Variants in VPS54 observed in about 807,000 individuals in gnomAD.
The protein encoded by VPS54 is vacuolar protein sorting-associated protein 54.
In VPS54, 45 loss-of-function variants were observed where a neutral mutation model predicts 121.5. That is an observed-to-expected ratio of 0.37 (90% CI 0.29 to 0.47). The LOEUF (loss-of-function observed/expected upper bound fraction) is 0.47. VPS54 is among the 20% of genes least tolerant of loss of function. The pLI is 0.99. For missense variants in VPS54, 1,090 were observed against 1,131.4 expected (o/e 0.96, Z 0.52); for synonymous variants, 371 against 385.8 (o/e 0.96, Z 0.45).
chr2:64,008,131 G>A (rs1025314578), intron 1 of VPS54, among the ~76,000 whole-genome samples: 21 of 152,132 alleles, frequency 1.4e-4, no homozygotes, highest in African/African-American at 5.1e-4. Context: ...AGGAACAAGA[G>A]GCCGGGCGCA....
chr2:63,983,739 G>A, intron 2 of VPS54, 125 bp downstream of exon 2: 1 of 1,281,934 alleles, frequency 7.8e-7, no homozygotes, highest in Non-Finnish European at 1.0e-6. Context: ...ACCGTGCCCG[G>A]CCCCCCCAAA....
chr2:63,939,694 A>C (rs1291101837), intron 11 of VPS54, among the ~76,000 whole-genome samples: 1 of 152,316 alleles, frequency 6.6e-6, no homozygotes, highest in African/African-American at 2.4e-5. Context: ...TTGTTCTAGG[A>C]AGATAAAAGG....
chr2:63,951,087 A>T, intron 7 of VPS54, among the ~76,000 whole-genome samples: 1 of 152,174 alleles, frequency 6.6e-6, no homozygotes, highest in East Asian at 1.9e-4. Context: ...TGCCTTTCTC[A>T]TAGTAAGCCT....
chr2:63,965,771 C>T, intron 6 of VPS54, 64 bp downstream of exon 6: 1 of 1,568,078 alleles, frequency 6.4e-7, no homozygotes, highest in Admixed American at 2.1e-5. Flanking sequence ...AAATCTGAAC[C>T]CAAGCAAACA....
chr2:64,016,383 C>T (rs550173513), intron 1 of VPS54, among the ~76,000 whole-genome samples: 11 of 152,138 alleles, frequency 7.2e-5, no homozygotes, highest in Middle Eastern at 6.8e-3. Context: ...AAAGGAAAAG[C>T]TTTTCAAGAA....
intron 11 of VPS54, 122 bp from the exon 12 acceptor site, chr2:63,934,135 A>G (rs1674346097): frequency 3.7e-6 from 3 of 815,364 alleles, no homozygotes; most frequent in Admixed American, 2.9e-5. Flanking sequence ...AAAGTCATGT[A>G]TATCAGAATT....
intron 1 of VPS54, among the ~76,000 whole-genome samples, chr2:64,000,776 GCAACA>G (rs200193236): frequency 0.012 from 1,869 of 152,322 alleles, 17 homozygotes; most frequent in Non-Finnish European, 0.015. Flanking sequence ...TTGCAGCAGG[GCAACA>G]CAAGCACCCT....
At chr2:63,978,581 T>A (rs546940701) in intron 3 of VPS54, among the ~76,000 whole-genome samples, 1 of 152,318 alleles carries the variant, frequency 6.6e-6, no homozygotes, top group Admixed American at 6.5e-5. Context: ...TAACTATACA[T>A]CAGTGTAATA....
intron 3 of VPS54, among the ~76,000 whole-genome samples, chr2:63,979,105 TTC>T (rs1676682102): frequency 6.6e-6 from 1 of 151,710 alleles, no homozygotes; most frequent in Non-Finnish European, 1.5e-5. Context: ...GACTTTTATC[TTC>T]TCTTTTTTTC....
At chr2:63,957,776 A>G (rs1323281816) in intron 7 of VPS54, among the ~76,000 whole-genome samples, 2 of 152,170 alleles carry the variant, frequency 1.3e-5, no homozygotes, top group Non-Finnish European at 2.9e-5. Context: ...ATTACAAATC[A>G]TGAAAAAGTT....
chr2:64,013,624 TTATA>T (rs1335004880), intron 1 of VPS54, among the ~76,000 whole-genome samples: 1 of 145,612 alleles, frequency 6.9e-6, no homozygotes, highest in Admixed American at 6.9e-5. Flanking sequence ...ATATCAGCAT[TTATA>T]TATAAATATA....
At chr2:63,914,861 C>T (rs767293599) in intron 16 of VPS54, among the ~76,000 whole-genome samples, 6 of 151,750 alleles carry the variant, frequency 4.0e-5, no homozygotes, top group Non-Finnish European at 8.8e-5. Flanking sequence ...TGGCTGGGCG[C>T]GGTGGCTCAC....
chr2:63,893,463 T>C lies in VPS54; in HGVS notation c.2901A>G (p.Leu967=), dbSNP rs750432629. The change falls in exon 23 of 23, where the codon CTA becomes CTG. Residue 967 remains leucine, a synonymous_variant. Coordinates refer to ENST00000272322, the MANE Select transcript of VPS54 (RefSeq NM_016516.3). ...TCTGCTCCCAAATTTCGGCCATATT[T>C]AGGTCCAAATCTTTAAGGCCTTTTA... is the stretch of plus-strand genomic sequence containing the variant. ...QALKGLKDLD[L]NMAEIWEQKR 6.2e-7 allele frequency: 1 copy of C among 1,613,994 alleles called. No individual in the cohort carries two copies. The highest frequency in any genetic ancestry group is 8.5e-7 in the Non-Finnish European group (1 of 1,179,978).
intron 5 of VPS54, 60 bp downstream of exon 5, chr2:63,968,897 T>C: frequency 6.8e-7 from 1 of 1,474,660 alleles, no homozygotes; most frequent in Non-Finnish European, 9.3e-7. Context: ...AATCTGCTTG[T>C]AAGGCAAAAT....
At position 63,938,059 on chromosome 2, in the gene VPS54, G is replaced by GGTGTGT. The variant is rs1553475195; in HGVS notation, c.1399-4052_1399-4047dup. Among the ~76,000 whole-genome samples the GGTGTGT allele has an allele frequency of 2.5e-3, 346 of 140,468 alleles. 5 individuals are homozygous for GGTGTGT. Among genetic ancestry groups the GGTGTGT allele is most frequent in the African/African-American group, 7.1e-3 (258 of 36,128 alleles). The allele number at this position is 140,468 out of a possible 152,430, so 92.2% of individuals were successfully genotyped here. A position where few individuals can be genotyped will look rare whatever the true frequency, so the allele number is the denominator to read the frequency against. On this transcript the variant is annotated intron_variant, in intron 11 of 22. Transcript: ENST00000272322. ...AAACGTGTGTGTGTGTGGTGTGTGT[G>GGTGTGT]GTGTGTGTGTGTGTGTGTGTGTGTG...
chr2:63,941,212 T>C (rs1469016912), intron 11 of VPS54, among the ~76,000 whole-genome samples: 1 of 152,130 alleles, frequency 6.6e-6, no homozygotes, highest in Non-Finnish European at 1.5e-5. Flanking sequence ...AATGATTGTA[T>C]TCTTTTTTTA....
At chr2:63,998,922 T>A (rs1470729949) in intron 1 of VPS54, among the ~76,000 whole-genome samples, 6 of 152,166 alleles carry the variant, frequency 3.9e-5, no homozygotes, top group Non-Finnish European at 8.8e-5. Flanking sequence ...TGCTTATTAA[T>A]CTTTTTCTTT....
chr2:63,949,085 G>A lies in VPS54; in HGVS notation c.1089C>T (p.His363=), dbSNP rs776430446. ...CTTCCAGTGGTCTATTTAAGTCACTGTGAGAATAAGTAGAAAATTCTGCAA... is the reference window on the plus strand; with the variant it reads ...CTTCCAGTGGTCTATTTAAGTCACTATGAGAATAAGTAGAAAATTCTGCAA... ...MMIAEFSTYS[H]SDLNRPLEDD... is the part of the protein sequence containing the mutation. The change falls in exon 8 of 23, where the codon CAC becomes CAT. Residue 363 remains histidine (H), a synonymous_variant. Transcript: ENST00000272322. 4 of 1,611,628 alleles carry A rather than the reference G, an allele frequency of 2.5e-6. No homozygotes were observed. The highest frequency in any genetic ancestry group is 3.4e-6 in the Non-Finnish European group (4 of 1,179,084).
At chr2:63,906,837 G>C (rs141571842) in intron 20 of VPS54, among the ~76,000 whole-genome samples, 206 of 152,294 alleles carry the variant, frequency 1.4e-3, no homozygotes, top group African/African-American at 4.5e-3. Flanking sequence ...CTTTTTGGTA[G>C]TATTTGATAA....
Sources: gnomAD v4.1 joint callset for allele counts (sites outside exome capture counted in the v4.1 genomes callset) on GRCh38, gnomAD v4.1.1 for gene constraint, MANE v1.5 for transcripts, NCBI Gene and HGNC (gene_info 2026-07-23, HGNC 2026-07-21) for gene names.